Variants in COL28A1 observed in about 807,000 individuals in gnomAD.
The protein encoded by COL28A1 is collagen alpha-1(XXVIII) chain.
In COL28A1, 161 loss-of-function variants were observed where a neutral mutation model predicts 150.2. The ratio of observed to expected loss-of-function variants is 1.07; its 90% CI spans 0.94 to 1.22. The LOEUF (loss-of-function observed/expected upper bound fraction) is 1.22. COL28A1 is among the 50% of genes most tolerant of loss of function. The pLI is 0.00. For synonymous variants in COL28A1, 552 were observed against 469.7 expected (o/e 1.18, Z -2.26); for missense variants, 1,617 against 1,388.3 (o/e 1.16, Z -2.62).
intron 12 of COL28A1, 119 bp from the exon 13 acceptor site, chr7:7,489,576 T>A: frequency 1.5e-6 from 1 of 677,426 alleles, no homozygotes; most frequent in Non-Finnish European, 2.6e-6. Flanking sequence ...ATGTTGGTTT[T>A]CATAAAGGTA....
intron 25 of COL28A1, chr7:7,431,461 T>C (rs909412632): frequency 6.4e-6 from 3 of 465,848 alleles, no homozygotes; most frequent in Admixed American, 2.4e-5. Flanking sequence ...GCTTTCTGTA[T>C]GGGTGGTCGG....
At chr7:7,381,648 T>C in intron 27 of COL28A1, 36 bp from the exon 28 acceptor site, 1 of 1,480,274 alleles carries the variant, frequency 6.8e-7, no homozygotes, top group Non-Finnish European at 9.4e-7. Context: ...TTCTATTAAT[T>C]TCCCAGGATA....
At chr7:7,379,076 G>C (rs1046139236) in intron 30 of COL28A1, among the ~76,000 whole-genome samples, 1 of 152,228 alleles carries the variant, frequency 6.6e-6, no homozygotes, top group Non-Finnish European at 1.5e-5. Context: ...CATGCATCCA[G>C]AGTGTGGCAT....
At chr7:7,365,071 C>T (rs1780862827) in intron 33 of COL28A1, among the ~76,000 whole-genome samples, 1 of 152,104 alleles carries the variant, frequency 6.6e-6, no homozygotes, top group Admixed American at 6.5e-5. Context: ...ATTTAACCAA[C>T]ACAAACGACT....
rs917927372 is a variant in COL28A1, at chr7:7,397,909, A to AC, written c.2137-16298dup. Among the ~76,000 whole-genome samples the AC allele has an allele frequency of 2.1e-4, 32 of 152,318 alleles. 1 individual carries two copies. The highest frequency in any genetic ancestry group is 7.5e-4 in the African/African-American group (31 of 41,558). ...GCATAATGAAGAATCCCTTCACCTG[A>AC]CGTAACTAAAAGGTTAATTGGTCCT... is the stretch of plus-strand genomic sequence containing the variant. On this transcript the variant is annotated intron_variant, in intron 27 of 34. Coordinates refer to ENST00000399429, the MANE Select transcript of COL28A1 (RefSeq NM_001037763.3).
At chr7:7,475,415 T>A (rs1180639123) in intron 14 of COL28A1, among the ~76,000 whole-genome samples, 2 of 152,190 alleles carry the variant, frequency 1.3e-5, no homozygotes, top group Non-Finnish European at 2.9e-5. Flanking sequence ...AATATTCTGA[T>A]TCTGGGTTCT....
At chr7:7,349,148 A>G in the COL28A1 span, among the ~76,000 whole-genome samples, 3 of 152,172 alleles carry the variant, frequency 2.0e-5, no homozygotes, top group African/African-American at 7.2e-5. Context: ...AGTAGTCTAT[A>G]TAGTTTAGAA....
At chr7:7,431,732 G>A in intron 25 of COL28A1, 1 of 406,006 alleles carries the variant, frequency 2.5e-6, no homozygotes, top group South Asian at 1.9e-5. Flanking sequence ...TTCCTGCTAA[G>A]TTATAGGAGG....
At position 7,529,307 on chromosome 7, in the gene COL28A1, G is replaced by C. The variant is rs993346071; in HGVS notation, c.681+2041C>G. 2.4e-4 allele frequency among the ~76,000 whole-genome samples: 26 copies of C among 108,050 alleles called. 1 individual carries two copies. The South Asian group carries it at 7.8e-3, about 32-fold the overall frequency. The allele number at this position is 108,050 out of a possible 152,430, so 70.9% of individuals were successfully genotyped here. A position where few individuals can be genotyped will look rare whatever the true frequency, so the allele number is the denominator to read the frequency against. On this transcript the variant is annotated intron_variant, in intron 3 of 34. Transcript: ENST00000399429. ...TCTGTCTCAAAAAAAAAAAAAAAAA[G>C]AGTCAAGTTCTGCCTTCTAGATGGT...
At chr7:7,543,739 T>C in the COL28A1 span, among the ~76,000 whole-genome samples, 1 of 151,864 alleles carries the variant, frequency 6.6e-6, no homozygotes, top group African/African-American at 2.4e-5. Context: ...TTTATTACTA[T>C]TGTTTTTAAT....
chr7:7,440,728 T>C (rs1022701267), intron 21 of COL28A1, 62 bp downstream of exon 21: 8 of 667,930 alleles, frequency 1.2e-5, no homozygotes, highest in African/African-American at 1.1e-4. Context: ...AATTTAATAC[T>C]ATATTAAAAC....
intron 16 of COL28A1, 58 bp downstream of exon 16, chr7:7,455,986 G>C (rs1044889491): frequency 3.1e-6 from 5 of 1,606,010 alleles, no homozygotes; most frequent in Non-Finnish European, 3.4e-6. Flanking sequence ...CTTCAATGAA[G>C]ACCAGGATTG....
rs1046911133 is a variant in COL28A1 at position 7,520,100 on chromosome 7, G to A, written c.775C>T (p.Pro259Ser). 1.1e-5 allele frequency: 15 copies of A among 1,391,754 alleles called. No individual in the cohort carries two copies. The highest frequency in any genetic ancestry group is 1.7e-5 in the Admixed American group (1 of 59,544). The allele number at this position is 1,391,754 out of a possible 1,614,324, so 86.2% of individuals were successfully genotyped here. A position where few individuals can be genotyped will look rare whatever the true frequency, so the allele number is the denominator to read the frequency against. The change falls in exon 6 of 35, where the codon CCA becomes TCA. Residue 259 changes from proline (P) to serine (S), a missense_variant. Pro to Ser is a moderately conservative substitution (Grantham distance 74). Coordinates refer to ENST00000399429, the MANE Select transcript of COL28A1 (RefSeq NM_001037763.3). ...GGTCCTCGCTCACCTTTGATACCTG[G>A]ATTTCCATGTGTACCCTGAAGGCAA... ...DPGPPGTHGN[P>S]GIKGERGPKG...
At chr7:7,353,945 C>T (rs543516605), downstream of COL28A1, among the ~76,000 whole-genome samples, 5 of 151,972 alleles carry the variant, frequency 3.3e-5, no homozygotes, top group Admixed American at 3.3e-4. Flanking sequence ...CATCCTACAA[C>T]AAAAAATATG....
chr7:7,408,581 C>T (rs1783616426), intron 27 of COL28A1, among the ~76,000 whole-genome samples: 2 of 152,104 alleles, frequency 1.3e-5, no homozygotes, highest in African/African-American at 4.8e-5. Flanking sequence ...CTTGGTAAGT[C>T]TTTGAATGTA....
intron 26 of COL28A1, 44 bp from the exon 27 acceptor site, chr7:7,417,971 T>C: frequency 1.3e-6 from 2 of 1,522,748 alleles, no homozygotes; most frequent in Non-Finnish European, 1.8e-6. Flanking sequence ...TGTAAGAAGA[T>C]CGAAGAAGAA....
intron 27 of COL28A1, among the ~76,000 whole-genome samples, chr7:7,415,077 C>A (rs1783993536): frequency 6.6e-6 from 1 of 152,212 alleles, no homozygotes; most frequent in South Asian, 2.1e-4. Flanking sequence ...AATATTCTAG[C>A]AACTAAGTTA....
At chr7:7,350,225 G>A in the COL28A1 span, among the ~76,000 whole-genome samples, 2 of 152,198 alleles carry the variant, frequency 1.3e-5, no homozygotes, top group East Asian at 3.9e-4. Context: ...AGATAGACCA[G>A]ACCCACTGAG....
At chr7:7,501,131 C>T (rs1016328814) in intron 11 of COL28A1, among the ~76,000 whole-genome samples, 2 of 152,148 alleles carry the variant, frequency 1.3e-5, no homozygotes, top group Non-Finnish European at 2.9e-5. Context: ...GACCAAGTCT[C>T]ATAGGTAAAA....
Sources: allele counts gnomAD v4.1 joint callset (sites outside exome capture counted in the v4.1 genomes callset), GRCh38; gene constraint gnomAD v4.1.1; transcripts MANE v1.5; gene names NCBI Gene and HGNC (gene_info 2026-07-23, HGNC 2026-07-21).